Variants in CDH18 observed in about 807,000 individuals in gnomAD.
CDH18 encodes cadherin 18.
CDH18 carries 31 observed loss-of-function variants against 67.9 expected under a neutral mutation model. The ratio of observed to expected loss-of-function variants is 0.46; its 90% CI spans 0.34 to 0.62. CDH18 has a LOEUF of 0.62. Among genes scored for constraint, CDH18 ranks in the 20% least tolerant of loss-of-function variants. CDH18 has a pLI of 0.01. For synonymous variants in CDH18, 362 were observed against 347.2 expected (o/e 1.04, Z -0.48); for missense variants, 890 against 975.5 (o/e 0.91, Z 1.17).
intron 3 of CDH18, among the ~76,000 whole-genome samples, chr5:19,761,947 A>C (rs1488799839): frequency 6.6e-6 from 1 of 152,164 alleles, no homozygotes; most frequent in African/African-American, 2.4e-5. Flanking sequence ...ACACATCTAC[A>C]ACCATCTGAT....
At chr5:20,320,942 G>C (rs979044456) in intron 1 of CDH18, among the ~76,000 whole-genome samples, 2 of 152,048 alleles carry the variant, frequency 1.3e-5, no homozygotes, top group African/African-American at 4.8e-5. Context: ...GTTTGGGGTG[G>C]TGCATGGATA....
intron 1 of CDH18, among the ~76,000 whole-genome samples, chr5:20,290,031 C>CTAA (rs1746990199): frequency 1.3e-5 from 2 of 152,078 alleles, no homozygotes; most frequent in Non-Finnish European, 2.9e-5. Context: ...CACACAAAGG[C>CTAA]ACTTTAGATG....
chr5:20,104,693 A>G (rs949265989), intron 2 of CDH18, among the ~76,000 whole-genome samples: 9 of 151,898 alleles, frequency 5.9e-5, no homozygotes, highest in Non-Finnish European at 1.0e-4. Context: ...TGCTGTTCCA[A>G]TACCTGAGAT....
chr5:20,149,727 T>C (rs1339469061), intron 2 of CDH18, among the ~76,000 whole-genome samples: 1 of 152,160 alleles, frequency 6.6e-6, no homozygotes, highest in African/African-American at 2.4e-5. Flanking sequence ...ATCTTTGTAC[T>C]TTAAAAAGTC....
chr5:19,818,461 A>G (rs549082448), intron 3 of CDH18, among the ~76,000 whole-genome samples: 128 of 152,170 alleles, frequency 8.4e-4, no homozygotes, highest in African/African-American at 2.9e-3. Flanking sequence ...GTTAGTTTTT[A>G]CACGATTTTT....
chr5:20,443,659 A>G (rs1253148433), intron 1 of CDH18, among the ~76,000 whole-genome samples: 1 of 151,902 alleles, frequency 6.6e-6, no homozygotes, highest in Admixed American at 6.6e-5. Context: ...ATGTATAATT[A>G]TGCCCCTTCT....
chr5:19,778,925 G>A (rs1320197710), intron 3 of CDH18, among the ~76,000 whole-genome samples: 7 of 152,082 alleles, frequency 4.6e-5, no homozygotes, highest in African/African-American at 1.7e-4. Flanking sequence ...CCTTGCACTA[G>A]ATCTGATGCT....
chr5:20,464,218 A>T (rs1581048784), intron 1 of CDH18, among the ~76,000 whole-genome samples: 1 of 152,196 alleles, frequency 6.6e-6, no homozygotes, highest in Non-Finnish European at 1.5e-5. Context: ...ACAGAGACAA[A>T]TGTATGCAAG....
intron 9 of CDH18, among the ~76,000 whole-genome samples, chr5:19,521,280 GA>G (rs1421941103): frequency 3.9e-5 from 6 of 152,150 alleles, no homozygotes; most frequent in Admixed American, 1.3e-4. Context: ...CACGCTCGGG[GA>G]AAAATAAATA....
intron 2 of CDH18, among the ~76,000 whole-genome samples, chr5:19,854,748 A>G (rs1784076685): frequency 6.6e-6 from 1 of 152,022 alleles, no homozygotes; most frequent in South Asian, 2.1e-4. Flanking sequence ...ATAGTAGGCT[A>G]CTATTTTTAT....
At position 20,334,753 on chromosome 5, in the gene CDH18, T is replaced by TACACACACACAC. The variant is rs35282241; in HGVS notation, c.-579-79260_-579-79249dup. ...GATCTCTCTCTCTCTCTCTCTCTCA[T>TACACACACACAC]ACACACACACACACACACACACACA... On this transcript the variant is annotated intron_variant, in intron 1 of 14. Coordinates refer to the CDH18 transcript ENST00000507958. Among the ~76,000 whole-genome samples the TACACACACACAC allele has an allele frequency of 2.2e-3, 305 of 138,424 alleles. 1 individual carries two copies. Among genetic ancestry groups the TACACACACACAC allele is most frequent in the South Asian group, 7.2e-3 (29 of 4,034 alleles). 90.8% of individuals were successfully genotyped at this position (138,424 alleles called of 152,430 possible).
At chr5:19,668,007 AAT>A (rs1218629054) in intron 5 of CDH18, among the ~76,000 whole-genome samples, 1 of 152,068 alleles carries the variant, frequency 6.6e-6, no homozygotes, top group Non-Finnish European at 1.5e-5. Context: ...TAATAGAACT[AAT>A]AAAAAAACTA....
chr5:20,111,765 GATCT>G (rs1747502126), intron 2 of CDH18, among the ~76,000 whole-genome samples: 2 of 151,772 alleles, frequency 1.3e-5, no homozygotes, highest in South Asian at 4.1e-4. Flanking sequence ...GGATGGTCTC[GATCT>G]CTTGACCTCG....
At chr5:20,399,546 A>G (rs1368646393) in intron 1 of CDH18, among the ~76,000 whole-genome samples, 4 of 152,232 alleles carry the variant, frequency 2.6e-5, no homozygotes, top group Non-Finnish European at 4.4e-5. Context: ...GATATTACTT[A>G]ACACAGTCAC....
At chr5:19,785,741 A>C (rs1775711194) in intron 3 of CDH18, among the ~76,000 whole-genome samples, 1 of 130,152 alleles carries the variant, frequency 7.7e-6, no homozygotes, top group Non-Finnish European at 1.6e-5. Flanking sequence ...CATCTGTAAA[A>C]TGCAGAATAA....
chr5:19,842,483 T>G (rs1782449499), intron 2 of CDH18, among the ~76,000 whole-genome samples: 2 of 152,174 alleles, frequency 1.3e-5, no homozygotes, highest in Admixed American at 1.3e-4. Flanking sequence ...ACATGTTTGC[T>G]TCCCATTTTG....
intron 3 of CDH18, among the ~76,000 whole-genome samples, chr5:19,764,658 C>T (rs1008163724): frequency 2.7e-5 from 4 of 150,918 alleles, no homozygotes; most frequent in Non-Finnish European, 5.9e-5. Flanking sequence ...TACACACACA[C>T]ATACACATAT....
At chr5:20,384,265 C>A (rs1404569953) in intron 1 of CDH18, among the ~76,000 whole-genome samples, 1 of 152,080 alleles carries the variant, frequency 6.6e-6, no homozygotes, top group African/African-American at 2.4e-5. Context: ...CTTCTCACAG[C>A]GCCTGGAAAC....
chr5:20,426,450 G>A (rs893086402), intron 1 of CDH18, among the ~76,000 whole-genome samples: 7 of 150,968 alleles, frequency 4.6e-5, no homozygotes, highest in Non-Finnish European at 7.4e-5. Context: ...CTATTTATGA[G>A]TAAATATGGA....
Sources: gnomAD v4.1 joint callset for allele counts (sites outside exome capture counted in the v4.1 genomes callset) on GRCh38, gnomAD v4.1.1 for gene constraint, MANE v1.5 for transcripts, NCBI Gene and HGNC (gene_info 2026-07-23, HGNC 2026-07-21) for gene names.